The following ARHGAP26 variants were observed in gnomAD, a reference collection of about 807,000 sequenced individuals.
The protein encoded by ARHGAP26 is Rho GTPase activating protein 26.
ARHGAP26 carries 38 observed loss-of-function variants against 104.8 expected under a neutral mutation model. That is an observed-to-expected ratio of 0.36 (90% CI 0.28 to 0.48). The LOEUF is 0.48. Among genes scored for constraint, ARHGAP26 ranks in the 20% least tolerant of loss-of-function variants. ARHGAP26 has a pLI of 0.99. For synonymous variants in ARHGAP26, 341 were observed against 340.0 expected (o/e 1.00, Z -0.03); for missense variants, 704 against 947.9 (o/e 0.74, Z 3.38).
Position 143,147,369 on chromosome 5 carries a change from G to C in ARHGAP26, c.1976G>C (p.Arg659Pro), listed in dbSNP as rs189592386. The C allele has an allele frequency of 1.2e-6, 2 of 1,613,012 alleles. No homozygotes were observed. The highest frequency in any genetic ancestry group is 1.1e-5 in the South Asian group (1 of 90,956). Residue 659 changes from arginine (R) to proline (P), a missense_variant, in exon 20 of 23, where the codon CGG becomes CCG. By Grantham distance (103) the Arg-to-Pro change is moderately radical. This residue lies in a region of ARHGAP26 where 217 missense variants were observed against 242.6 expected (regional missense o/e 0.89). Coordinates refer to ENST00000645722, the MANE Select transcript of ARHGAP26 (RefSeq NM_001135608.3). ...GACCTGGCTGTGGTCAAACCCACCC[G>C]GCCCAACTCACTGTAAGTATGATGT... is the stretch of plus-strand genomic sequence containing the variant. ...DPDLAVVKPT[R>P]PNSLPPNPSP...
intron 17 of ARHGAP26, among the ~76,000 whole-genome samples, chr5:143,061,019 C>A (rs1786620320): frequency 2.0e-5 from 3 of 152,152 alleles, no homozygotes. Context: ...CAAGTCTTTG[C>A]AATTTGACTT....
At chr5:143,013,409 G>A (rs955175668) in intron 11 of ARHGAP26, among the ~76,000 whole-genome samples, 1 of 151,946 alleles carries the variant, frequency 6.6e-6, no homozygotes, top group Non-Finnish European at 1.5e-5. Flanking sequence ...TTTTATATTG[G>A]GCATTTTCTT....
chr5:142,898,832 G>A (rs1038005490), intron 6 of ARHGAP26, among the ~76,000 whole-genome samples: 2 of 152,106 alleles, frequency 1.3e-5, no homozygotes, highest in African/African-American at 4.8e-5. Flanking sequence ...TTGCCTGTGC[G>A]GATGATTCTT....
intron 11 of ARHGAP26, among the ~76,000 whole-genome samples, chr5:142,973,977 GA>G (rs1358264991): frequency 6.6e-6 from 1 of 152,162 alleles, no homozygotes; most frequent in Non-Finnish European, 1.5e-5. Context: ...GATTATTTTA[GA>G]CTGGGCAGTG....
intron 12 of ARHGAP26, among the ~76,000 whole-genome samples, chr5:143,026,327 C>T (rs1253252840): frequency 6.6e-6 from 1 of 152,034 alleles, no homozygotes; most frequent in Non-Finnish European, 1.5e-5. Context: ...AAAGAGTAAG[C>T]AAGTAGATAA....
At chr5:142,851,711 C>A (rs1751554933) in intron 1 of ARHGAP26, among the ~76,000 whole-genome samples, 1 of 152,214 alleles carries the variant, frequency 6.6e-6, no homozygotes, top group Non-Finnish European at 1.5e-5. Flanking sequence ...ACTGGTCTCA[C>A]CACCCCTGCC....
At chr5:143,073,842 GA>G (rs1380596803) in intron 17 of ARHGAP26, among the ~76,000 whole-genome samples, 6 of 152,110 alleles carry the variant, frequency 3.9e-5, no homozygotes, top group African/African-American at 1.4e-4. Context: ...TTAATGAGAG[GA>G]GCAGACTCTG....
chr5:143,040,683 G>A lies in ARHGAP26; in HGVS notation c.1211-1133G>A, dbSNP rs546824966. 4.6e-5 allele frequency among the ~76,000 whole-genome samples: 7 copies of A among 152,332 alleles called. No homozygotes were observed. In the South Asian group the frequency reaches 6.2e-4, roughly 14 times the overall value. ...TTGTGGATTGCATTAGATTGAAGCG[G>A]TTGCATTTAAGCTGAGATCTGAATG... On this transcript the variant is annotated intron_variant, in intron 13 of 22. Coordinates refer to ENST00000645722, the MANE Select transcript of ARHGAP26 (RefSeq NM_001135608.3).
intron 17 of ARHGAP26, among the ~76,000 whole-genome samples, chr5:143,117,283 T>C (rs989464317): frequency 1.3e-5 from 2 of 152,184 alleles, no homozygotes; most frequent in African/African-American, 4.8e-5. Context: ...CTGGACCGGC[T>C]CCGCAGTGCT....
At chr5:143,131,145 C>T (rs1388743450) in intron 18 of ARHGAP26, among the ~76,000 whole-genome samples, 1 of 152,198 alleles carries the variant, frequency 6.6e-6, no homozygotes, top group Non-Finnish European at 1.5e-5. Flanking sequence ...GCAGAGTGAA[C>T]TTCTCCCTTG....
At chr5:143,141,813 C>T (rs1798570120) in intron 19 of ARHGAP26, among the ~76,000 whole-genome samples, 1 of 152,198 alleles carries the variant, frequency 6.6e-6, no homozygotes, top group African/African-American at 2.4e-5. Context: ...AGTCAACATT[C>T]ATCAGAGGCC....
At chr5:142,856,098 T>A (rs539945322) in intron 1 of ARHGAP26, among the ~76,000 whole-genome samples, 1 of 152,348 alleles carries the variant, frequency 6.6e-6, no homozygotes, top group Admixed American at 6.5e-5. Flanking sequence ...TGGACAAAGC[T>A]GAAGTGAGCA....
intron 1 of ARHGAP26, among the ~76,000 whole-genome samples, chr5:142,773,742 C>T (rs1040792344): frequency 9.2e-5 from 14 of 152,194 alleles, no homozygotes; most frequent in African/African-American, 3.4e-4. Context: ...CTTTGTAAAG[C>T]AGCAGAGTTT....
intron 1 of ARHGAP26, chr5:142,772,774 G>T (rs1456553726): frequency 1.9e-6 from 1 of 533,336 alleles, no homozygotes; most frequent in Non-Finnish European, 3.8e-6. Flanking sequence ...CATCTCACTT[G>T]CCCGGAATGG....
At chr5:143,076,145 A>G (rs942900473) in intron 17 of ARHGAP26, among the ~76,000 whole-genome samples, 1 of 145,262 alleles carries the variant, frequency 6.9e-6, no homozygotes, top group South Asian at 2.2e-4. Context: ...GGTGTGCGCC[A>G]CCAGACCTGG....
chr5:142,932,458 G>A (rs1377118306), intron 11 of ARHGAP26, among the ~76,000 whole-genome samples: 3 of 152,214 alleles, frequency 2.0e-5, no homozygotes, highest in African/African-American at 7.2e-5. Flanking sequence ...GATGGATGGA[G>A]GGAGGTGAGC....
chr5:143,052,238 G>A (rs1016514271), intron 14 of ARHGAP26, among the ~76,000 whole-genome samples: 9 of 152,126 alleles, frequency 5.9e-5, no homozygotes, highest in African/African-American at 1.4e-4. Flanking sequence ...TTAGGAGGCC[G>A]AGGCGGGCGG....
At chr5:142,910,194 C>A (rs975979726) in intron 9 of ARHGAP26, among the ~76,000 whole-genome samples, 4 of 152,094 alleles carry the variant, frequency 2.6e-5, no homozygotes, top group Admixed American at 2.6e-4. Flanking sequence ...CAGTTTTCCT[C>A]CTTTTACAAA....
At chr5:142,829,101 A>AGG (rs1767882943) in intron 1 of ARHGAP26, among the ~76,000 whole-genome samples, 1 of 152,242 alleles carries the variant, frequency 6.6e-6, no homozygotes, top group Non-Finnish European at 1.5e-5. Context: ...AGTCAGGGAA[A>AGG]GGCTGGTGGT....
Sources: allele counts gnomAD v4.1 joint callset (sites outside exome capture counted in the v4.1 genomes callset), GRCh38; gene constraint gnomAD v4.1.1; regional missense constraint gnomAD v4.1.1; transcripts MANE v1.5; gene names NCBI Gene and HGNC (gene_info 2026-07-23, HGNC 2026-07-21).